The following TANC2 variants were observed in gnomAD, a reference collection of about 807,000 sequenced individuals.
The protein encoded by TANC2 is tetratricopeptide repeat, ankyrin repeat and coiled-coil containing 2.
A neutral mutation model predicts 210.5 loss-of-function variants in TANC2; 26 were observed. The observed-to-expected ratio is 0.12, with a 90% CI of 0.09 to 0.17. The LOEUF is 0.17. Among genes scored for constraint, TANC2 ranks in the 10% least tolerant of loss-of-function variants. The pLI is 1.00. For synonymous variants in TANC2, 931 were observed against 967.1 expected (o/e 0.96, Z 0.69); for missense variants, 2,129 against 2,608.9 (o/e 0.82, Z 4.01).
chr17:63,134,433 T>G (rs1440506307), intron 4 of TANC2, among the ~76,000 whole-genome samples: 1 of 152,186 alleles, frequency 6.6e-6, no homozygotes, highest in Non-Finnish European at 1.5e-5. Flanking sequence ...ATTATAATAA[T>G]TACATAGGCC....
chr17:63,014,660 C>T (rs1057477458), intron 2 of TANC2, among the ~76,000 whole-genome samples: 1 of 152,084 alleles, frequency 6.6e-6, no homozygotes, highest in Non-Finnish European at 1.5e-5. Flanking sequence ...TTAGCAAAAG[C>T]ACAAATTATT....
chr17:63,137,005 A>G (rs2039112583), intron 4 of TANC2, among the ~76,000 whole-genome samples: 1 of 152,216 alleles, frequency 6.6e-6, no homozygotes, highest in Non-Finnish European at 1.5e-5. Context: ...AGTTTCAGAG[A>G]TGTGCAATGA....
chr17:63,147,236 G>A (rs1378331653), intron 4 of TANC2, among the ~76,000 whole-genome samples: 1 of 151,984 alleles, frequency 6.6e-6, no homozygotes, highest in Non-Finnish European at 1.5e-5. Context: ...CCGACTACTC[G>A]GAAGGCTGAG....
intron 5 of TANC2, among the ~76,000 whole-genome samples, chr17:63,159,663 C>T (rs867990604): frequency 1.3e-5 from 2 of 151,964 alleles, no homozygotes; most frequent in Admixed American, 6.6e-5. Flanking sequence ...ATTTACATTG[C>T]ATATGGTATT....
intron 6 of TANC2, among the ~76,000 whole-genome samples, chr17:63,200,487 A>G (rs1165074736): frequency 6.6e-6 from 1 of 152,112 alleles, no homozygotes; most frequent in East Asian, 1.9e-4. Context: ...TTAATAAAAA[A>G]TTTCTCTATT....
Position 63,418,109 on chromosome 17 carries a change from C to T in TANC2, c.4168-198C>T, listed in dbSNP as rs1048303346. ...GGGCAGATAAAGTCCAGTGAGCAGTCGCAGCGCTACACAGGACAAAGGCAG... is the reference window on the plus strand; with the variant it reads ...GGGCAGATAAAGTCCAGTGAGCAGTTGCAGCGCTACACAGGACAAAGGCAG... On this transcript the variant is annotated intron_variant, in intron 26 of 27. Transcript: ENST00000689528. This position sits in a 1 kb window ranked among gnomAD's most constrained non-coding sequence, Gnocchi z 4.6. 2.6e-5 allele frequency among the ~76,000 whole-genome samples: 4 copies of T among 152,212 alleles called. No homozygotes were observed. Among genetic ancestry groups the T allele is most frequent in the African/African-American group, 4.8e-5 (2 of 41,452 alleles).
intron 1 of TANC2, among the ~76,000 whole-genome samples, chr17:63,002,771 T>C (rs2033445013): frequency 6.6e-6 from 1 of 152,222 alleles, no homozygotes; most frequent in African/African-American, 2.4e-5. Flanking sequence ...GTTCTTTCAC[T>C]TGGCATATTA....
chr17:63,354,735 G>A (rs747836257), intron 13 of TANC2, 48 bp from the exon 14 acceptor site: 11 of 1,522,308 alleles, frequency 7.2e-6, no homozygotes, highest in East Asian at 2.3e-5. Flanking sequence ...CAAGAGTTAG[G>A]GGAAACTGAA....
chr17:63,344,745 G>C (rs959355421), intron 12 of TANC2, among the ~76,000 whole-genome samples: 2 of 152,154 alleles, frequency 1.3e-5, no homozygotes, highest in African/African-American at 4.8e-5. Context: ...TTAAAACATG[G>C]CTACAAATTC....
At position 63,199,497 on chromosome 17, in the gene TANC2, T is replaced by G. The variant is rs1321739896; in HGVS notation, c.583-1274T>G. 2.6e-5 allele frequency among the ~76,000 whole-genome samples: 4 copies of G among 151,844 alleles called. No individual in the cohort carries two copies. In the East Asian group the frequency reaches 7.8e-4, roughly 29 times the overall value. On this transcript the variant is annotated intron_variant, in intron 6 of 27. Transcript: ENST00000689528. ...AGCCAGGCGTGATATTTGGCGGCTG[T>G]AATCCCAGCTACTCGGAAGGCTGAG...
intron 9 of TANC2, among the ~76,000 whole-genome samples, chr17:63,286,593 A>G (rs1032016895): frequency 2.0e-5 from 3 of 152,048 alleles, no homozygotes; most frequent in African/African-American, 7.2e-5. Context: ...CATTTTATTC[A>G]TGTTTCTTAA....
At chr17:63,210,468 GTATAGTTACT>G in intron 7 of TANC2, among the ~76,000 whole-genome samples, 1 of 152,160 alleles carries the variant, frequency 6.6e-6, no homozygotes, top group East Asian at 1.9e-4. Flanking sequence ...CCAATAACCA[GTATAGTTACT>G]TATAGTTATA....
chr17:63,334,896 C>A (rs757516380), intron 11 of TANC2, among the ~76,000 whole-genome samples: 23 of 152,196 alleles, frequency 1.5e-4, no homozygotes, highest in Non-Finnish European at 2.5e-4. Flanking sequence ...GGGGAGCTTT[C>A]ATTCATGGTG....
intron 2 of TANC2, among the ~76,000 whole-genome samples, chr17:63,050,479 A>G (rs2035544196): frequency 6.6e-6 from 1 of 152,214 alleles, no homozygotes; most frequent in Non-Finnish European, 1.5e-5. Context: ...ATGATAAAAC[A>G]TAAAACCATG....
At chr17:63,290,135 T>C (rs1598785258) in intron 9 of TANC2, among the ~76,000 whole-genome samples, 1 of 147,404 alleles carries the variant, frequency 6.8e-6, no homozygotes, top group African/African-American at 2.4e-5. Flanking sequence ...TGGTTACTTT[T>C]CCCCTTCTTC....
chr17:63,310,265 G>A (rs954557943), intron 9 of TANC2, among the ~76,000 whole-genome samples: 1 of 152,066 alleles, frequency 6.6e-6, no homozygotes, highest in Non-Finnish European at 1.5e-5. Context: ...TGGCCAACAT[G>A]GTGAAACCCT....
chr17:63,406,547 A>G (rs896288129), intron 21 of TANC2, among the ~76,000 whole-genome samples: 3 of 152,190 alleles, frequency 2.0e-5, no homozygotes, highest in Non-Finnish European at 4.4e-5. Flanking sequence ...GATTTTTTAA[A>G]AATATATACT....
intron 1 of TANC2, among the ~76,000 whole-genome samples, chr17:62,992,427 A>C (rs1568301283): frequency 6.6e-6 from 1 of 152,284 alleles, no homozygotes; most frequent in African/African-American, 2.4e-5. Flanking sequence ...ACATGGTATA[A>C]ATTTTTGATC....
chr17:63,066,423 C>A (rs371523024), intron 2 of TANC2, among the ~76,000 whole-genome samples: 1 of 152,108 alleles, frequency 6.6e-6, no homozygotes, highest in African/African-American at 2.4e-5. Context: ...CGGGGCTCAC[C>A]TGGCACTGGG....
Sources: allele counts gnomAD v4.1 joint callset (sites outside exome capture counted in the v4.1 genomes callset), GRCh38; gene constraint gnomAD v4.1.1; non-coding constraint Gnocchi (gnomAD v3.1); transcripts MANE v1.5; gene names NCBI Gene and HGNC (gene_info 2026-07-23, HGNC 2026-07-21).